Variants in LRMDA observed in about 807,000 individuals in gnomAD.
LRMDA encodes the protein leucine-rich melanocyte differentiation-associated protein.
A neutral mutation model predicts 29.8 loss-of-function variants in LRMDA; 18 were observed. That is an observed-to-expected ratio of 0.60 (90% confidence interval 0.42 to 0.90). The LOEUF is 0.90. Ranked by LOEUF, LRMDA falls within the 40% of genes least tolerant of loss-of-function variation. The pLI, the probability that LRMDA is intolerant of heterozygous loss-of-function variation, is 0.00. For synonymous variants in LRMDA, 125 were observed against 109.4 expected (o/e 1.14, Z -0.89); for missense variants, 273 against 273.9 (o/e 1.00, Z 0.02).
chr10:75,566,355 G>A (rs760231759), intron 2 of LRMDA, among the ~76,000 whole-genome samples: 2 of 152,110 alleles, frequency 1.3e-5, no homozygotes, highest in Admixed American at 6.5e-5. Flanking sequence ...TGTGATCTGT[G>A]GACCAGCAGC....
chr10:76,368,322 C>G (rs1841415525), intron 6 of LRMDA, among the ~76,000 whole-genome samples: 1 of 152,100 alleles, frequency 6.6e-6, no homozygotes, highest in East Asian at 1.9e-4. Flanking sequence ...CAGTTTGAAG[C>G]ATTTTTTTAA....
At chr10:76,478,978 C>A (rs1163441057) in intron 6 of LRMDA, among the ~76,000 whole-genome samples, 1 of 151,752 alleles carries the variant, frequency 6.6e-6, no homozygotes. Context: ...AGCACACCAA[C>A]ATGGCACATG....
At chr10:75,814,579 G>A (rs1226359453) in intron 2 of LRMDA, among the ~76,000 whole-genome samples, 2 of 147,284 alleles carry the variant, frequency 1.4e-5, no homozygotes, top group African/African-American at 2.5e-5. Flanking sequence ...CCTTGGCCCC[G>A]CCACCTGAAA....
At chr10:75,984,517 G>A (rs1198091132) in intron 2 of LRMDA, among the ~76,000 whole-genome samples, 2 of 152,188 alleles carry the variant, frequency 1.3e-5, no homozygotes, top group Non-Finnish European at 2.9e-5. Flanking sequence ...CCACTCACAG[G>A]GCCTAAAGCG....
chr10:75,938,532 C>T (rs950949540), intron 2 of LRMDA, among the ~76,000 whole-genome samples: 2 of 152,156 alleles, frequency 1.3e-5, no homozygotes, highest in African/African-American at 2.4e-5. Flanking sequence ...GCGCCTGGTC[C>T]GGCACTAATT....
chr10:75,486,707 C>T, intron 2 of LRMDA, among the ~76,000 whole-genome samples: 1 of 152,150 alleles, frequency 6.6e-6, no homozygotes, highest in South Asian at 2.1e-4. Flanking sequence ...GGAGAAGGCA[C>T]ACACCCTCCT....
chr10:76,489,205 C>G (rs1842810042), intron 6 of LRMDA, among the ~76,000 whole-genome samples: 1 of 151,730 alleles, frequency 6.6e-6, no homozygotes, highest in Admixed American at 6.6e-5. Flanking sequence ...TGTTATTGGT[C>G]TTTTCAGATT....
intron 5 of LRMDA, among the ~76,000 whole-genome samples, chr10:76,290,861 T>A (rs1309246865): frequency 2.0e-5 from 3 of 152,220 alleles, no homozygotes; most frequent in Non-Finnish European, 1.5e-5. Context: ...GAGAGACCAG[T>A]TGACTCTGAG....
chr10:75,486,907 T>C (rs538276623), intron 2 of LRMDA, among the ~76,000 whole-genome samples: 1 of 152,362 alleles, frequency 6.6e-6, no homozygotes, highest in East Asian at 1.9e-4. Flanking sequence ...TGGTGTGCTC[T>C]CAGCTTTGCA....
At chr10:75,903,209 G>A (rs77299166) in intron 2 of LRMDA, among the ~76,000 whole-genome samples, 1 of 152,178 alleles carries the variant, frequency 6.6e-6, no homozygotes, top group Non-Finnish European at 1.5e-5. Context: ...GAAGGTTTTG[G>A]TTATAATACC....
At chr10:76,310,987 T>C (rs542443204) in intron 5 of LRMDA, among the ~76,000 whole-genome samples, 12 of 152,312 alleles carry the variant, frequency 7.9e-5, no homozygotes, top group Admixed American at 7.8e-4. Flanking sequence ...TGAGAGCATT[T>C]AAAGAGGGAT....
intron 2 of LRMDA, among the ~76,000 whole-genome samples, chr10:75,914,783 A>G (rs544938402): frequency 7.9e-5 from 12 of 152,354 alleles, no homozygotes; most frequent in Non-Finnish European, 1.3e-4. Context: ...CTGGATGAAA[A>G]GTCTGCTAAT....
chr10:76,211,814 C>T (rs923901277), intron 5 of LRMDA, among the ~76,000 whole-genome samples: 8 of 152,328 alleles, frequency 5.3e-5, no homozygotes, highest in African/African-American at 1.9e-4. Flanking sequence ...GTACCTTTTG[C>T]CCAAGTATCC....
chr10:75,651,347 G>T (rs1372118543), intron 2 of LRMDA, among the ~76,000 whole-genome samples: 2 of 152,192 alleles, frequency 1.3e-5, no homozygotes, highest in Admixed American at 6.5e-5. Flanking sequence ...AAAGGGTTAT[G>T]TTTGAGGGTA....
intron 5 of LRMDA, among the ~76,000 whole-genome samples, chr10:76,182,617 A>T (rs1851070147): frequency 6.6e-6 from 1 of 152,138 alleles, no homozygotes; most frequent in Non-Finnish European, 1.5e-5. Flanking sequence ...CTTATCTCTC[A>T]GATTTTATAG....
intron 6 of LRMDA, among the ~76,000 whole-genome samples, chr10:76,505,819 G>A (rs1337100191): frequency 6.6e-6 from 1 of 152,106 alleles, no homozygotes; most frequent in Non-Finnish European, 1.5e-5. Context: ...CTTATTTGGA[G>A]GGAAAGGAAC....
intron 5 of LRMDA, among the ~76,000 whole-genome samples, chr10:76,065,801 C>A (rs1343965197): frequency 2.0e-5 from 3 of 152,220 alleles, no homozygotes; most frequent in Non-Finnish European, 4.4e-5. Context: ...TGACTTTGGC[C>A]TTGGCCATGT....
intron 2 of LRMDA, among the ~76,000 whole-genome samples, chr10:75,561,258 C>T (rs997790802): frequency 5.3e-5 from 8 of 151,246 alleles, no homozygotes; most frequent in African/African-American, 9.7e-5. Context: ...CTGGTTTAGT[C>T]GTGGGAGGGT....
At chr10:75,722,246 T>C (rs1014050403) in intron 2 of LRMDA, among the ~76,000 whole-genome samples, 5 of 152,132 alleles carry the variant, frequency 3.3e-5, no homozygotes, top group African/African-American at 1.2e-4. Context: ...TAAATCATTC[T>C]GGTACCAGAA....
Sources: gnomAD v4.1 joint callset for allele counts (sites outside exome capture counted in the v4.1 genomes callset) on GRCh38, gnomAD v4.1.1 for gene constraint, MANE v1.5 for transcripts, NCBI Gene and HGNC (gene_info 2026-07-23, HGNC 2026-07-21) for gene names.